The following TMEM231 variants were observed in gnomAD, a reference collection of about 807,000 sequenced individuals.
The protein encoded by TMEM231 is transmembrane protein 231.
In TMEM231, 40 loss-of-function variants were observed where a neutral mutation model predicts 38.5. The observed-to-expected ratio is 1.04, with a 90% CI of 0.81 to 1.35. The LOEUF (loss-of-function observed/expected upper bound fraction) is 1.35, where lower values mean the gene tolerates loss of function less well. Among genes scored for constraint, TMEM231 ranks in the 40% most tolerant of loss-of-function variants. The probability of loss-of-function intolerance (pLI) is 0.00; values close to 1 mark genes in which losing one functional copy is unlikely to be tolerated. For synonymous variants in TMEM231, 199 were observed against 181.7 expected (o/e 1.10, Z -0.77); for missense variants, 420 against 416.9 (o/e 1.01, Z -0.07).
At chr16:75,550,494 T>G (rs751709793) in intron 2 of TMEM231, among the ~76,000 whole-genome samples, 1 of 152,168 alleles carries the variant, frequency 6.6e-6, no homozygotes, top group South Asian at 2.1e-4. Flanking sequence ...AGCAGGAACC[T>G]GGAAGCTGAG....
intron 2 of TMEM231, chr16:75,546,162 C>G: frequency 6.7e-7 from 1 of 1,481,708 alleles, no homozygotes; most frequent in South Asian, 1.2e-5. Flanking sequence ...CATATCTGGG[C>G]CTTTCAAATG....
At chr16:75,553,212 C>T (rs79675239) in intron 2 of TMEM231, among the ~76,000 whole-genome samples, 9,086 of 152,212 alleles carry the variant, frequency 0.06, 319 homozygotes, top group Non-Finnish European at 0.069. Context: ...GATAGACTGA[C>T]GTCAGTCTGG....
rs1415753499 is a variant in TMEM231 at position 75,556,055 on chromosome 16, G to A, written c.139+16C>T. 1.9e-6 allele frequency: 3 copies of A among 1,565,108 alleles called. No individual in the cohort carries two copies. Among genetic ancestry groups the A allele is most frequent in the East Asian group, 4.8e-5 (2 of 41,924 alleles). Reference sequence around the variant, plus strand: ...GCCCGGGGAGCCTCGTGGCACAGCGGCCGGGGCAGGCTCACCGTGGCTCCG... The same window carrying A: ...GCCCGGGGAGCCTCGTGGCACAGCGACCGGGGCAGGCTCACCGTGGCTCCG... On this transcript the variant is annotated intron_variant, in intron 1 of 6. Transcript: ENST00000258173.
In TMEM231 at chr16:75,540,143, AC is replaced by A; in HGVS notation, c.801del (p.Lys267AsnfsTer31). On this transcript the variant is annotated frameshift_variant, in exon 7 of 7. Coordinates refer to ENST00000258173, the MANE Select transcript of TMEM231 (RefSeq NM_001077418.3). LOFTEE classifies it high-confidence loss of function. ...ATGCTGACATACTGCACCCAGGCGA[AC>A]TTTACCATCTCCCAGAATCCTGGCT... ...SYQPGFWEMV[K>X]FAWVQYVSIL... 1 of 1,613,724 alleles carries A rather than the reference AC, an allele frequency of 6.2e-7. No individual in the cohort carries two copies. Among genetic ancestry groups the A allele is most frequent in the South Asian group, 1.1e-5 (1 of 91,014 alleles).
chr16:75,540,198 G>T (rs768571927), intron 6 of TMEM231, 24 bp from the exon 7 acceptor site: 70 of 1,593,526 alleles, frequency 4.4e-5, no homozygotes, highest in Non-Finnish European at 5.7e-5. Context: ...AGGAGTGAAG[G>T]GCCACATGGT....
intron 2 of TMEM231, among the ~76,000 whole-genome samples, chr16:75,547,369 A>G (rs775585532): frequency 2.0e-5 from 3 of 152,260 alleles, no homozygotes; most frequent in Non-Finnish European, 4.4e-5. Context: ...CTTTCTTTCT[A>G]GACAATAATG....
intron 2 of TMEM231, 64 bp from the exon 3 acceptor site, chr16:75,546,018 C>G (rs1006971031): frequency 2.6e-6 from 4 of 1,563,698 alleles, no homozygotes; most frequent in Non-Finnish European, 3.5e-6. Context: ...ATCCACATCA[C>G]TTCTGTAAAT....
In TMEM231 at chr16:75,537,804, C is replaced by T. The variant is rs2080575909; in HGVS notation, c.*2190G>A. On this transcript the variant is annotated 3_prime_UTR_variant, in exon 7 of 7. Transcript: ENST00000258173. ...CCGGCCTCTTGCTTTTTATTTACCT[C>T]TTGCAGCTATGCTGTGATTCAGAGT... 2 of 152,138 alleles carry T rather than the reference C, an allele frequency of 1.3e-5. No homozygotes were observed. The highest frequency in any genetic ancestry group is 1.3e-4 in the Admixed American group (2 of 15,268). 9.4% of individuals were successfully genotyped at this position (152,138 alleles called of 1,614,324 possible). A position where few individuals can be genotyped will look rare whatever the true frequency, so the allele number is the denominator to read the frequency against.
rs1184455391 is a variant in TMEM231, at chr16:75,537,730, C to T, written c.*2264G>A. ...TCGATCTCCTGACCTTGTGATTCAC[C>T]CACCTCGGCCTCCCAAAGTGCTGGG... On this transcript the variant is annotated 3_prime_UTR_variant, in exon 7 of 7. Transcript: ENST00000258173. 17 of 152,178 alleles carry T rather than the reference C, an allele frequency of 1.1e-4. No individual in the cohort carries two copies. Among genetic ancestry groups the T allele is most frequent in the Admixed American group, 1.1e-3 (17 of 15,272 alleles). 9.4% of individuals were successfully genotyped at this position (152,178 alleles called of 1,614,324 possible). A position where few individuals can be genotyped will look rare whatever the true frequency, so the allele number is the denominator to read the frequency against.
intron 2 of TMEM231, among the ~76,000 whole-genome samples, chr16:75,554,559 A>AAG (rs35353110): frequency 0.2 from 27,188 of 138,660 alleles, 3,964 homozygotes; most frequent in East Asian, 0.85. Context: ...AAAAAAAAAA[A>AAG]AAAAGAAAAG....
intron 2 of TMEM231, among the ~76,000 whole-genome samples, chr16:75,553,961 T>G (rs2080786842): frequency 6.6e-6 from 1 of 152,166 alleles, no homozygotes; most frequent in Non-Finnish European, 1.5e-5. Flanking sequence ...TGATTTAGCT[T>G]CTTCTCTCCC....
chr16:75,547,246 C>A (rs2080704155), intron 2 of TMEM231, among the ~76,000 whole-genome samples: 1 of 152,204 alleles, frequency 6.6e-6, no homozygotes. Flanking sequence ...CATTTTGATT[C>A]CCACCATTAC....
At chr16:75,546,535 C>T (rs1160782256) in intron 2 of TMEM231, among the ~76,000 whole-genome samples, 1 of 152,120 alleles carries the variant, frequency 6.6e-6, no homozygotes, top group African/African-American at 2.4e-5. Context: ...CTCCGCCTCC[C>T]AGGGTCAAGG....
chr16:75,543,191 G>C (rs1351448042), intron 4 of TMEM231, among the ~76,000 whole-genome samples: 1 of 151,958 alleles, frequency 6.6e-6, no homozygotes, highest in Admixed American at 6.6e-5. Context: ...CAAGGCCGTA[G>C]TCAATGATGA....
intron 2 of TMEM231, among the ~76,000 whole-genome samples, chr16:75,547,194 T>C (rs2080703513): frequency 1.3e-5 from 2 of 152,354 alleles, no homozygotes; most frequent in Middle Eastern, 3.4e-3. Flanking sequence ...AATTCTACTA[T>C]CGTGTAGCAG....
intron 2 of TMEM231, 175 bp from the exon 3 acceptor site, chr16:75,546,129 C>A: frequency 6.5e-7 from 1 of 1,532,050 alleles, no homozygotes; most frequent in Non-Finnish European, 8.8e-7. Flanking sequence ...GGGAGAGACA[C>A]AAAGTGCATG....
In TMEM231 at chr16:75,548,996, C is replaced by T. The variant is rs115097515; in HGVS notation, c.310-3042G>A. Among the ~76,000 whole-genome samples, 626 of 152,234 alleles carry T rather than the reference C, an allele frequency of 4.1e-3. 5 individuals carry two copies. The highest frequency in any genetic ancestry group is 0.014 in the African/African-American group (585 of 41,558). ...AGGAACATCTCAGAGAGGAGGGATC[C>T]AGGCTAATCAGGTACATGTGCTCTG... On this transcript the variant is annotated intron_variant, in intron 2 of 6. Transcript: ENST00000258173.
intron 2 of TMEM231, 45 bp downstream of exon 2, chr16:75,555,759 A>AC: frequency 4.1e-6 from 6 of 1,454,376 alleles, no homozygotes; most frequent in Non-Finnish European, 5.5e-6. Context: ...CCCCATCCCC[A>AC]CCCTATCCCC....
intron 5 of TMEM231, chr16:75,541,863 T>G (rs1393441882): frequency 6.5e-6 from 1 of 153,778 alleles, no homozygotes; most frequent in East Asian, 1.9e-4. Flanking sequence ...GGCTAAAGAA[T>G]GAAAGGAATG....
Sources: gnomAD v4.1 joint callset for allele counts (sites outside exome capture counted in the v4.1 genomes callset) on GRCh38, gnomAD v4.1.1 for gene constraint, MANE v1.5 for transcripts, NCBI Gene and HGNC (gene_info 2026-07-23, HGNC 2026-07-21) for gene names.